The following STRBP variants were observed in gnomAD, a reference collection of about 807,000 sequenced individuals.
STRBP encodes the protein spermatid perinuclear RNA-binding protein.
A neutral mutation model predicts 80.1 loss-of-function variants in STRBP; 13 were observed. The observed-to-expected ratio is 0.16, with a 90% CI of 0.11 to 0.26. The LOEUF is 0.26. STRBP is among the 10% of genes least tolerant of loss of function. The pLI, the probability that STRBP is intolerant of heterozygous loss-of-function variation, is 1.00. For synonymous variants in STRBP, 284 were observed against 291.2 expected, an observed-to-expected ratio of 0.98 and a Z score of 0.25; for missense variants, 485 against 815.2, an observed-to-expected ratio of 0.59 and a Z score of 4.93.
intron 1 of STRBP, among the ~76,000 whole-genome samples, chr9:123,254,531 G>C (rs2040985905): frequency 6.6e-6 from 1 of 151,876 alleles, no homozygotes; most frequent in African/African-American, 2.4e-5. Flanking sequence ...CACTAGTTGG[G>C]TGTGTGATTT....
At chr9:123,223,827 AG>A (rs2040150926) in intron 2 of STRBP, among the ~76,000 whole-genome samples, 1 of 152,206 alleles carries the variant, frequency 6.6e-6, no homozygotes, top group East Asian at 1.9e-4. Context: ...CAGAAATTAC[AG>A]GGAACAGTTC....
chr9:123,179,266 G>C (rs762208528), intron 3 of STRBP, 39 bp from the exon 4 acceptor site: 1 of 1,537,674 alleles, frequency 6.5e-7, no homozygotes. Context: ...TTCAACAAAA[G>C]AAACATCACC....
At chr9:123,207,628 A>C (rs780695093) in intron 2 of STRBP, among the ~76,000 whole-genome samples, 4 of 152,176 alleles carry the variant, frequency 2.6e-5, no homozygotes, top group Non-Finnish European at 5.9e-5. Flanking sequence ...AGAAATACCT[A>C]ATGTACATGA....
intron 14 of STRBP, among the ~76,000 whole-genome samples, chr9:123,138,448 T>C (rs1405039745): frequency 6.6e-6 from 1 of 152,202 alleles, no homozygotes; most frequent in Admixed American, 6.5e-5. Context: ...ACTGGCCCAC[T>C]TGGCACTTCT....
At chr9:123,144,228 A>T (rs2036717068) in intron 13 of STRBP, among the ~76,000 whole-genome samples, 1 of 151,822 alleles carries the variant, frequency 6.6e-6, no homozygotes, top group Admixed American at 6.6e-5. Context: ...AGAAAGAAAG[A>T]AAGATCCTAT....
At chr9:123,151,438 T>C (rs531679750) in intron 11 of STRBP, among the ~76,000 whole-genome samples, 3 of 152,108 alleles carry the variant, frequency 2.0e-5, no homozygotes, top group Non-Finnish European at 2.9e-5. Context: ...TGCTGGGGCA[T>C]AAAATAGGTC....
intron 16 of STRBP, among the ~76,000 whole-genome samples, chr9:123,135,537 C>A (rs1053681690): frequency 6.6e-6 from 1 of 152,186 alleles, no homozygotes; most frequent in Non-Finnish European, 1.5e-5. Context: ...TTCAGTAGCA[C>A]TGACATTCCC....
At chr9:123,120,670 G>A (rs549880456), downstream of STRBP, among the ~76,000 whole-genome samples, 5 of 151,934 alleles carry the variant, frequency 3.3e-5, no homozygotes, top group Non-Finnish European at 7.4e-5. Flanking sequence ...AATGTGCTCC[G>A]TGTTTAAATT....
Position 123,124,549 on chromosome 9 carries a change from T to C in STRBP, c.*1048A>G. The C allele has an allele frequency of 1.0e-6, 1 of 985,408 alleles. No individual in the cohort carries two copies. Among genetic ancestry groups the C allele is most frequent in the African/African-American group, 1.7e-5 (1 of 57,352 alleles). The allele number at this position is 985,408 out of a possible 1,614,324, so 61.0% of individuals were successfully genotyped here. On this transcript the variant is annotated 3_prime_UTR_variant, in exon 19 of 19. Coordinates refer to ENST00000348403, the MANE Select transcript of STRBP (RefSeq NM_018387.5). ...GGGACAATCGAAGAGCAAGTTTTTA[T>C]GGGGACCCTGTTGCTGCTTTAGATT... is the stretch of plus-strand genomic sequence containing the variant.
In STRBP at chr9:123,170,165, G is replaced by A. The variant is rs930561431; in HGVS notation, c.391-119C>T. ...ACTATTAATATTACTGTGCTCAAAG[G>A]GCAAAGAAAGCCTGTAACTAGTTCT... On this transcript the variant is annotated intron_variant, in intron 5 of 18. Coordinates refer to ENST00000348403, the MANE Select transcript of STRBP (RefSeq NM_018387.5). 3 of 947,190 alleles carry A rather than the reference G, an allele frequency of 3.2e-6. No individual in the cohort carries two copies. The African/African-American group carries it at 5.2e-5, about 16-fold the overall frequency. The allele number at this position is 947,190 out of a possible 1,614,324, so 58.7% of individuals were successfully genotyped here.
intron 2 of STRBP, among the ~76,000 whole-genome samples, chr9:123,186,707 T>C (rs889965862): frequency 2.0e-5 from 3 of 152,096 alleles, no homozygotes; most frequent in Admixed American, 6.6e-5. Context: ...TACAGACCAA[T>C]GCTTTTTCCC....
intron 11 of STRBP, among the ~76,000 whole-genome samples, chr9:123,154,111 A>G (rs927710772): frequency 2.2e-4 from 33 of 152,212 alleles, no homozygotes; most frequent in Admixed American, 2.0e-3. Flanking sequence ...GCAACCATTT[A>G]CTAGGTTGTT....
chr9:123,194,425 T>A (rs2039026458), intron 2 of STRBP, among the ~76,000 whole-genome samples: 1 of 152,152 alleles, frequency 6.6e-6, no homozygotes, highest in South Asian at 2.1e-4. Context: ...GTATCATCCA[T>A]TTTACCCATT....
chr9:123,118,270 C>T (rs1242599237), downstream of STRBP, among the ~76,000 whole-genome samples: 3 of 152,162 alleles, frequency 2.0e-5, no homozygotes, highest in Non-Finnish European at 4.4e-5. Flanking sequence ...TCTCCTTCCC[C>T]TTCCCTTCCT....
Position 123,136,026 on chromosome 9 carries a change from A to C in STRBP, c.1773+15T>G. 6.2e-7 allele frequency: 1 copy of C among 1,613,734 alleles called. No homozygotes were observed. The highest frequency in any genetic ancestry group is 2.2e-5 in the East Asian group (1 of 44,876). ...TTTTTCACAGGTTCTGCAAAGGTTT[A>C]ATGTTTACTCATACCTGAGGGATAA... On this transcript the variant is annotated intron_variant, in intron 16 of 18. Coordinates refer to ENST00000348403, the MANE Select transcript of STRBP (RefSeq NM_018387.5). The surrounding 1 kb of genome is among the most constrained non-coding windows in gnomAD (Gnocchi z 4.2).
chr9:123,125,239 T>G lies in STRBP; in HGVS notation c.*358A>C, dbSNP rs1654548201. On this transcript the variant is annotated 3_prime_UTR_variant, in exon 19 of 19. Coordinates refer to ENST00000348403, the MANE Select transcript of STRBP (RefSeq NM_018387.5). ...TCTGTGTTACAACAAAGCAGTTTATTTGTGATCAGTGTTTGAGACTCTATA... is the reference window on the plus strand; with the variant it reads ...TCTGTGTTACAACAAAGCAGTTTATGTGTGATCAGTGTTTGAGACTCTATA... The G allele has an allele frequency of 2.0e-6, 2 of 999,228 alleles. No homozygotes were observed. Among genetic ancestry groups the G allele is most frequent in the Non-Finnish European group, 2.4e-6 (2 of 838,826 alleles). The allele number at this position is 999,228 out of a possible 1,614,324, so 61.9% of individuals were successfully genotyped here.
Position 123,146,978 on chromosome 9 carries a change from C to T in STRBP, c.1215G>A (p.Lys405=). 1 of 1,614,058 alleles carries T rather than the reference C, an allele frequency of 6.2e-7. No homozygotes were observed. Among genetic ancestry groups the T allele is most frequent in the Non-Finnish European group, 8.5e-7 (1 of 1,179,994 alleles). Residue 405 remains lysine (K), a synonymous_variant, in exon 13 of 19, where the codon AAG becomes AAA. Transcript: ENST00000348403. ...LNQIRPGLQY[K]LLSQSGPVHA... ...GAACGGGGCCAGACTGAGATAGGAG[C>T]TTATACTGAAGCCCAGGCCTGATCT...
intron 12 of STRBP, 83 bp downstream of exon 12, chr9:123,147,695 A>AC (rs1357257831): frequency 1.7e-6 from 2 of 1,161,004 alleles, no homozygotes; most frequent in Non-Finnish European, 2.4e-6. Flanking sequence ...AAAAAAAAAA[A>AC]AAAACCCTTC....
intron 2 of STRBP, among the ~76,000 whole-genome samples, chr9:123,187,411 C>T (rs1257399431): frequency 6.6e-6 from 1 of 152,018 alleles, no homozygotes; most frequent in African/African-American, 2.4e-5. Flanking sequence ...ACTAAATGGA[C>T]AGGTTATATA....
Sources: allele counts gnomAD v4.1 joint callset (sites outside exome capture counted in the v4.1 genomes callset), GRCh38; gene constraint gnomAD v4.1.1; non-coding constraint Gnocchi (gnomAD v3.1); transcripts MANE v1.5; gene names NCBI Gene and HGNC (gene_info 2026-07-23, HGNC 2026-07-21).